Variants in AKAP6 observed in about 807,000 individuals in gnomAD.
AKAP6 encodes the protein A-kinase anchor protein 6.
A neutral mutation model predicts 188.5 loss-of-function variants in AKAP6; 58 were observed. The observed-to-expected ratio is 0.31, with a 90% confidence interval of 0.25 to 0.38. The LOEUF (loss-of-function observed/expected upper bound fraction) is 0.38. Ranked by LOEUF, AKAP6 falls within the 10% of genes least tolerant of loss-of-function variation. The pLI, the probability that AKAP6 is intolerant of heterozygous loss-of-function variation, is 1.00. For missense variants in AKAP6, 2,710 were observed against 2,740.0 expected (o/e 0.99, Z 0.24); for synonymous variants, 989 against 998.6 (o/e 0.99, Z 0.18).
chr14:32,612,296 A>G (rs895361860), intron 7 of AKAP6, among the ~76,000 whole-genome samples: 1 of 152,182 alleles, frequency 6.6e-6, no homozygotes, highest in Non-Finnish European at 1.5e-5. Context: ...TGGGGCAGCA[A>G]CTACCTCCTA....
At chr14:32,775,918 G>A (rs1369223063) in intron 12 of AKAP6, among the ~76,000 whole-genome samples, 1 of 152,226 alleles carries the variant, frequency 6.6e-6, no homozygotes, top group African/African-American at 2.4e-5. Flanking sequence ...CCTCTGTGCT[G>A]AAAGTTGAAA....
intron 1 of AKAP6, among the ~76,000 whole-genome samples, chr14:32,356,323 G>A (rs1416196556): frequency 6.6e-6 from 1 of 152,022 alleles, no homozygotes; most frequent in Non-Finnish European, 1.5e-5. Flanking sequence ...TCCATGTCTT[G>A]CGGACTCACA....
At chr14:32,738,792 G>T (rs1464071163) in intron 11 of AKAP6, among the ~76,000 whole-genome samples, 1 of 152,092 alleles carries the variant, frequency 6.6e-6, no homozygotes, top group African/African-American at 2.4e-5. Context: ...AACATTTTCT[G>T]TAAAAGCCGG....
intron 7 of AKAP6, among the ~76,000 whole-genome samples, chr14:32,661,738 G>A (rs1245030770): frequency 6.6e-6 from 1 of 152,068 alleles, no homozygotes; most frequent in East Asian, 1.9e-4. Flanking sequence ...CACTGGAGTT[G>A]GAGCCAGAAA....
chr14:32,419,490 C>G (rs539924485), intron 1 of AKAP6, among the ~76,000 whole-genome samples: 1 of 152,072 alleles, frequency 6.6e-6, no homozygotes, highest in African/African-American at 2.4e-5. Context: ...GTATGAACAG[C>G]AAAAACAAAT....
At position 32,599,511 on chromosome 14, in the gene AKAP6, A is replaced by T. The variant is rs1445407642; in HGVS notation, c.2566+5A>T. Reference sequence around the variant, plus strand: ...TTATTGCATCTCACAAAGCAGGTAAATCCTCCTGAAATATTGCAAGTCTTT... The same window carrying T: ...TTATTGCATCTCACAAAGCAGGTAATTCCTCCTGAAATATTGCAAGTCTTT... On this transcript the variant is annotated splice_donor_5th_base_variant and intron_variant, in intron 6 of 13. Coordinates refer to ENST00000280979, the MANE Select transcript of AKAP6 (RefSeq NM_004274.5). The T allele has an allele frequency of 6.2e-7, 1 of 1,611,518 alleles. No homozygotes were observed. Among genetic ancestry groups the T allele is most frequent in the Admixed American group, 1.7e-5 (1 of 59,816 alleles).
At chr14:32,510,419 T>C (rs1594692371) in intron 2 of AKAP6, among the ~76,000 whole-genome samples, 3 of 105,750 alleles carry the variant, frequency 2.8e-5, no homozygotes, top group East Asian at 4.4e-4. Context: ...TATATGTATA[T>C]ATATACATAT....
chr14:32,409,129 G>C (rs538564941), intron 1 of AKAP6, among the ~76,000 whole-genome samples: 3 of 152,292 alleles, frequency 2.0e-5, no homozygotes, highest in African/African-American at 7.2e-5. Flanking sequence ...GAACCTGGCA[G>C]GTGGAGGTTG....
intron 2 of AKAP6, among the ~76,000 whole-genome samples, chr14:32,435,334 A>C (rs1025887657): frequency 1.3e-5 from 2 of 152,248 alleles, no homozygotes; most frequent in Non-Finnish European, 1.5e-5. Context: ...TCAGTAAAAA[A>C]AATGTGTTGT....
chr14:32,599,619 C>T (rs1254444313), intron 6 of AKAP6, 113 bp downstream of exon 6: 1 of 726,150 alleles, frequency 1.4e-6, no homozygotes, highest in African/African-American at 1.8e-5. Context: ...TTAATATTTA[C>T]ATTATCAGAT....
chr14:32,636,981 C>A (rs1887521691), intron 7 of AKAP6, among the ~76,000 whole-genome samples: 1 of 151,964 alleles, frequency 6.6e-6, no homozygotes. Context: ...GGTGGAGCCT[C>A]AAAGCAGTAA....
chr14:32,647,504 C>T (rs1888033456), intron 7 of AKAP6, among the ~76,000 whole-genome samples: 1 of 152,040 alleles, frequency 6.6e-6, no homozygotes, highest in Admixed American at 6.6e-5. Context: ...TACCCTTTTC[C>T]CTTATCTTCT....
intron 7 of AKAP6, among the ~76,000 whole-genome samples, chr14:32,641,295 T>C (rs1266973274): frequency 6.6e-6 from 1 of 151,600 alleles, no homozygotes; most frequent in Admixed American, 6.6e-5. Context: ...TACAATAATA[T>C]ACAATACAAG....
At chr14:32,617,526 G>T (rs114667196) in intron 7 of AKAP6, among the ~76,000 whole-genome samples, 2 of 152,114 alleles carry the variant, frequency 1.3e-5, no homozygotes, top group African/African-American at 4.8e-5. Context: ...AATGCTCAGC[G>T]TAATATATCC....
At chr14:32,615,874 G>A (rs960550950) in intron 7 of AKAP6, among the ~76,000 whole-genome samples, 19 of 152,204 alleles carry the variant, frequency 1.2e-4, no homozygotes, top group Admixed American at 7.8e-4. Context: ...GATTACAGGC[G>A]TGAGCCACCG....
intron 3 of AKAP6, among the ~76,000 whole-genome samples, chr14:32,541,804 C>T (rs1260762105): frequency 6.6e-6 from 1 of 152,124 alleles, no homozygotes; most frequent in African/African-American, 2.4e-5. Context: ...CTCACTATTA[C>T]TCTTTTAAAA....
At chr14:32,800,558 T>C (rs2033918272) in intron 12 of AKAP6, among the ~76,000 whole-genome samples, 2 of 152,216 alleles carry the variant, frequency 1.3e-5, no homozygotes, top group Admixed American at 6.5e-5. Context: ...TTGACTCATA[T>C]ATTATTGTGT....
intron 11 of AKAP6, among the ~76,000 whole-genome samples, chr14:32,754,186 G>A (rs1350432081): frequency 2.6e-5 from 4 of 152,012 alleles, no homozygotes; most frequent in African/African-American, 9.7e-5. Context: ...GTGCTCTGGT[G>A]TTGGGTGCAT....
chr14:32,825,004 A>C (rs72669867), intron 13 of AKAP6, among the ~76,000 whole-genome samples, 189 bp downstream of exon 13: 10,429 of 152,184 alleles, frequency 0.069, 409 homozygotes, highest in South Asian at 0.15. Context: ...AAAACAGGGA[A>C]AATTGACATT....
Sources: gnomAD v4.1 joint callset for allele counts (sites outside exome capture counted in the v4.1 genomes callset) on GRCh38, gnomAD v4.1.1 for gene constraint, MANE v1.5 for transcripts, NCBI Gene and HGNC (gene_info 2026-07-23, HGNC 2026-07-21) for gene names.